Variants in AQP9 observed in about 807,000 individuals in gnomAD.
The protein encoded by AQP9 is aquaporin-9.
Under a neutral mutation model 23.8 loss-of-function variants are expected in AQP9, and 19 were observed. The observed-to-expected ratio is 0.80, with a 90% CI of 0.56 to 1.17. The LOEUF (loss-of-function observed/expected upper bound fraction) is 1.17, where lower values mean the gene tolerates loss of function less well. Among genes scored for constraint, AQP9 ranks in the 50% most tolerant of loss-of-function variants. The pLI is 0.00. For missense variants in AQP9, 413 were observed against 362.0 expected (o/e 1.14, Z -1.14); for synonymous variants, 153 against 131.5 (o/e 1.16, Z -1.12).
Position 58,174,997 on chromosome 15 carries a change from A to C in AQP9, c.456A>C (p.Pro152=), listed in dbSNP as rs140188159. 6.2e-7 allele frequency: 1 copy of C among 1,614,220 alleles called. No individual in the cohort carries two copies. Among genetic ancestry groups the C allele is most frequent in the Admixed American group, 1.7e-5 (1 of 60,036 alleles). Residue 152 remains proline (P), a synonymous_variant, in exon 4 of 6, where the codon CCA becomes CCC. Coordinates refer to ENST00000219919, the MANE Select transcript of AQP9 (RefSeq NM_020980.5). ...CAGCACACATTTTTGCAACATACCC[A>C]GCTCCGTATCTATCTCTGGCGAACG... is the stretch of plus-strand genomic sequence containing the variant. ...NATAHIFATY[P]APYLSLANAF...
Position 58,184,435 on chromosome 15 carries a change from C to T in AQP9, c.*300C>T, listed in dbSNP as rs1898969860. 4 of 270,028 alleles carry T rather than the reference C, an allele frequency of 1.5e-5. No individual in the cohort carries two copies. Among genetic ancestry groups the T allele is most frequent in the East Asian group, 7.2e-5 (1 of 13,802 alleles). 16.7% of individuals were successfully genotyped at this position (270,028 alleles called of 1,614,324 possible). On this transcript the variant is annotated 3_prime_UTR_variant, in exon 6 of 6. Transcript: ENST00000219919. Reference sequence around the variant, plus strand: ...TCTTGCTAGGTAAGCACTAATAACTCGGCATCTTGACGATAGTCCCATTTG... The same window carrying T: ...TCTTGCTAGGTAAGCACTAATAACTTGGCATCTTGACGATAGTCCCATTTG...
At position 58,157,034 on chromosome 15, in the gene AQP9, A is replaced by G. The variant is rs73426159; in HGVS notation, c.112-9639A>G. Among the ~76,000 whole-genome samples, 1,126 of 152,368 alleles carry G rather than the reference A, an allele frequency of 7.4e-3. 15 individuals are homozygous for G. Among genetic ancestry groups the G allele is most frequent in the African/African-American group, 0.024 (991 of 41,584 alleles). On this transcript the variant is annotated intron_variant, in intron 1 of 5. Transcript: ENST00000219919. The stretch of plus-strand genomic sequence containing the variant: ...CATATATACGTGTGTACAAACACAC[A>G]TATATATGTGCATATATACACACAG...
At chr15:58,177,937 T>C (rs139478269) in intron 4 of AQP9, among the ~76,000 whole-genome samples, 2 of 152,328 alleles carry the variant, frequency 1.3e-5, no homozygotes, top group East Asian at 1.9e-4. Context: ...CCATGAATTC[T>C]GCATCCATGG....
intron 2 of AQP9, 38 bp from the exon 3 acceptor site, chr15:58,173,030 C>T: frequency 6.2e-7 from 1 of 1,612,446 alleles, no homozygotes; most frequent in Non-Finnish European, 8.5e-7. Context: ...ATTCTTCTTC[C>T]TAACCTGCCC....
rs142822245 is a variant in AQP9, at chr15:58,184,044, T to C, written c.797T>C (p.Ile266Thr). Residue 266 changes from isoleucine to threonine, a missense_variant, in exon 6 of 6, where the codon ATT (isoleucine) becomes ACT (threonine). Transcript: ENST00000219919. ...GGAGGCCTCATCTATGTTCTTGTCA[T>C]TGAAATCCACCATCCAGAGCCTGAC... ...VIGGLIYVLV[I>T]EIHHPEPDSV... 1.7e-5 allele frequency: 28 copies of C among 1,614,050 alleles called. 1 individual carries two copies. Among genetic ancestry groups the C allele is most frequent in the Non-Finnish European group, 2.3e-5 (27 of 1,180,004 alleles).
At chr15:58,156,759 C>T (rs1182666843) in intron 1 of AQP9, among the ~76,000 whole-genome samples, 1 of 152,182 alleles carries the variant, frequency 6.6e-6, no homozygotes, top group Non-Finnish European at 1.5e-5. Context: ...GGCCAGGGTT[C>T]AGATGTTTAT....
In AQP9 at chr15:58,166,708, C is replaced by T. The variant is rs2140617685; in HGVS notation, c.147C>T (p.Leu49=). The T allele has an allele frequency of 1.2e-6, 2 of 1,612,834 alleles. No individual in the cohort carries two copies. Among genetic ancestry groups the T allele is most frequent in the African/African-American group, 1.3e-5 (1 of 74,986 alleles). The change falls in exon 2 of 6, where the codon CTC becomes CTT. Residue 49 remains leucine, a synonymous_variant. Coordinates refer to ENST00000219919, the MANE Select transcript of AQP9 (RefSeq NM_020980.5). ...GTGGCTGTGTTGCCCAAGCTATTCTCAGTCGAGGACGTTTTGGAGGGGTCA... is the reference window on the plus strand; with the variant it reads ...GTGGCTGTGTTGCCCAAGCTATTCTTAGTCGAGGACGTTTTGGAGGGGTCA... The part of the protein sequence containing the change: ...LGCGCVAQAI[L]SRGRFGGVIT...
chr15:58,164,130 AAGCCATTTC>A (rs1303198237), intron 1 of AQP9: 5 of 152,296 alleles, frequency 3.3e-5, no homozygotes, highest in African/African-American at 1.2e-4. Context: ...CTCCTAAGAA[AAGCCATTTC>A]AGCATCTAGA....
chr15:58,162,318 C>G (rs1190262858), intron 1 of AQP9, among the ~76,000 whole-genome samples: 13 of 152,218 alleles, frequency 8.5e-5, no homozygotes, highest in Non-Finnish European at 1.6e-4. Flanking sequence ...CATTATGCCC[C>G]TCCACTTATT....
chr15:58,170,747 T>A (rs1898602529), intron 2 of AQP9, among the ~76,000 whole-genome samples: 1 of 152,108 alleles, frequency 6.6e-6, no homozygotes, highest in Admixed American at 6.5e-5. Flanking sequence ...GTGCCTTGCA[T>A]CATGTGAGAC....
chr15:58,138,362 C>T (rs565029613), upstream of AQP9: 2 of 462,864 alleles, frequency 4.3e-6, no homozygotes, highest in Non-Finnish European at 3.9e-6. Context: ...CAAATAGCAG[C>T]GAACAGGGAA....
chr15:58,151,625 C>G (rs12441254), intron 1 of AQP9: 1 of 151,850 alleles, frequency 6.6e-6, no homozygotes, highest in African/African-American at 2.4e-5. Context: ...ACTTATCACA[C>G]TTACCCATAC....
At chr15:58,143,607 G>T (rs1461117209) in intron 1 of AQP9, among the ~76,000 whole-genome samples, 1 of 152,108 alleles carries the variant, frequency 6.6e-6, no homozygotes, top group African/African-American at 2.4e-5. Context: ...TTGCCTATAA[G>T]AATATATATT....
At chr15:58,139,695 A>C (rs1897918204) in intron 1 of AQP9, among the ~76,000 whole-genome samples, 1 of 152,250 alleles carries the variant, frequency 6.6e-6, no homozygotes, top group Non-Finnish European at 1.5e-5. Context: ...AGCTAAGCCA[A>C]GAATGAGAAA....
At chr15:58,154,528 C>T (rs183206559) in intron 1 of AQP9, 1 of 151,592 alleles carries the variant, frequency 6.6e-6, no homozygotes, top group East Asian at 1.9e-4. Context: ...CACCTCGCCC[C>T]CTCACCCTCA....
Position 58,174,988 on chromosome 15 carries a change from A to G in AQP9, c.447A>G (p.Ala149=). ...AAAATGCAACAGCACACATTTTTGCAACATACCCAGCTCCGTATCTATCTC... is the reference window on the plus strand; with the variant it reads ...AAAATGCAACAGCACACATTTTTGCGACATACCCAGCTCCGTATCTATCTC... The part of the protein sequence containing the change: ...VGENATAHIF[A]TYPAPYLSLA... The change falls in exon 4 of 6, where the codon GCA becomes GCG. Residue 149 remains alanine, a synonymous_variant. Transcript: ENST00000219919. 1 of 1,614,204 alleles carries G rather than the reference A, an allele frequency of 6.2e-7. No homozygotes were observed. The highest frequency in any genetic ancestry group is 8.5e-7 in the Non-Finnish European group (1 of 1,180,006).
rs548099537 is a variant in AQP9, at chr15:58,185,595, C to G, written c.*1460C>G. The G allele has an allele frequency of 6.6e-6, 1 of 152,210 alleles. No individual in the cohort carries two copies. Among genetic ancestry groups the G allele is most frequent in the Non-Finnish European group, 1.5e-5 (1 of 68,046 alleles). The allele number at this position is 152,210 out of a possible 1,614,324, so 9.4% of individuals were successfully genotyped here. A position where few individuals can be genotyped will look rare whatever the true frequency, so the allele number is the denominator to read the frequency against. On this transcript the variant is annotated 3_prime_UTR_variant, in exon 6 of 6. Transcript: ENST00000219919. ...ACCAAACATTACATTCAGGGGATTT[C>G]CTCTGGCTCAGTCTTTTCCCCTTGA...
At chr15:58,170,445 A>T (rs1446226424) in intron 2 of AQP9, among the ~76,000 whole-genome samples, 4 of 151,300 alleles carry the variant, frequency 2.6e-5, no homozygotes, top group African/African-American at 9.7e-5. Flanking sequence ...TTGCTCTGTC[A>T]CCAGGCTGGA....
At chr15:58,146,101 T>C (rs897526845) in intron 1 of AQP9, among the ~76,000 whole-genome samples, 43 of 152,180 alleles carry the variant, frequency 2.8e-4, no homozygotes, top group African/African-American at 9.9e-4. Flanking sequence ...GGTGAATTTA[T>C]TTCTAGTTCT....
Sources: allele counts gnomAD v4.1 joint callset (sites outside exome capture counted in the v4.1 genomes callset), GRCh38; gene constraint gnomAD v4.1.1; transcripts MANE v1.5; gene names NCBI Gene and HGNC (gene_info 2026-07-23, HGNC 2026-07-21).